Variants in EML6 observed in about 807,000 individuals in gnomAD.
The protein encoded by EML6 is echinoderm microtubule-associated protein-like 6.
Under a neutral mutation model 240.1 loss-of-function variants are expected in EML6, and 154 were observed. The ratio of observed to expected loss-of-function variants is 0.64; its 90% CI spans 0.56 to 0.73. EML6 has a LOEUF of 0.73. EML6 is among the 30% of genes least tolerant of loss of function. EML6 has a pLI of 0.00. For synonymous variants in EML6, 1,148 were observed against 899.0 expected (o/e 1.28, Z -4.95); for missense variants, 2,964 against 2,474.6 (o/e 1.20, Z -4.20).
intron 30 of EML6, among the ~76,000 whole-genome samples, chr2:54,951,388 C>G (rs951410016): frequency 3.9e-5 from 6 of 151,958 alleles, no homozygotes; most frequent in Admixed American, 6.6e-5. Flanking sequence ...CAAAAATTAG[C>G]CAGGCATGGT....
chr2:54,810,074 G>A (rs1264996725), intron 2 of EML6, among the ~76,000 whole-genome samples: 1 of 152,234 alleles, frequency 6.6e-6, no homozygotes, highest in Non-Finnish European at 1.5e-5. Flanking sequence ...TCAAGCCAGA[G>A]AGGTGATGTC....
rs1399074363 is a variant in EML6 at position 54,844,253 on chromosome 2, G to T, written c.1049+5G>T. 1 of 1,550,228 alleles carries T rather than the reference G, an allele frequency of 6.5e-7. No individual in the cohort carries two copies. The highest frequency in any genetic ancestry group is 2.0e-5 in the Admixed American group (1 of 50,998). Reference sequence around the variant, plus strand: ...CAGCGATGACCGCTCTGTCAGGTGAGGCCCTACCGCCGTCACCTCTCTGAC... The same window carrying T: ...CAGCGATGACCGCTCTGTCAGGTGATGCCCTACCGCCGTCACCTCTCTGAC... On this transcript the variant is annotated splice_donor_5th_base_variant and intron_variant, in intron 8 of 41. Transcript: ENST00000356458.
chr2:54,915,123 C>G (rs1331868067), intron 25 of EML6, among the ~76,000 whole-genome samples: 3 of 152,140 alleles, frequency 2.0e-5, no homozygotes, highest in African/African-American at 7.2e-5. Flanking sequence ...TTTATTTAAC[C>G]CTTTTGCATT....
At chr2:54,948,583 C>G (rs569885619) in intron 28 of EML6, among the ~76,000 whole-genome samples, 1 of 152,308 alleles carries the variant, frequency 6.6e-6, no homozygotes, top group Non-Finnish European at 1.5e-5. Context: ...TGTTTCAAGC[C>G]CACATGTTCT....
At position 54,739,177 on chromosome 2, in the gene EML6, G is replaced by A. The variant is rs546041449; in HGVS notation, c.197+13919G>A. 6.6e-5 allele frequency among the ~76,000 whole-genome samples: 10 copies of A among 152,154 alleles called. No individual in the cohort carries two copies. In the South Asian group the frequency reaches 1.9e-3, roughly 28 times the overall value. ...GTTATAAAAATAGTTTTAATATGTA[G>A]GTATATGTTATATGTGCTTCTTTAT... On this transcript the variant is annotated intron_variant, in intron 2 of 41. Coordinates refer to ENST00000356458, the MANE Select transcript of EML6 (RefSeq NM_001039753.4).
At chr2:54,925,941 G>A (rs1469580341) in intron 26 of EML6, among the ~76,000 whole-genome samples, 2 of 152,144 alleles carry the variant, frequency 1.3e-5, no homozygotes, top group African/African-American at 4.8e-5. Context: ...CTCAGAATGT[G>A]AAAAGCTCTG....
At chr2:54,848,324 C>G (rs1669880564) in intron 9 of EML6, among the ~76,000 whole-genome samples, 1 of 152,110 alleles carries the variant, frequency 6.6e-6, no homozygotes, top group Non-Finnish European at 1.5e-5. Context: ...GTAAATATTT[C>G]CCGCTTTGCA....
In EML6 at chr2:54,903,422, A is replaced by C. The variant is rs1057398575; in HGVS notation, c.3329A>C (p.Tyr1110Ser). The change falls in exon 24 of 42, where the codon TAC (tyrosine) becomes TCC (serine). Residue 1110 changes from tyrosine (Y) to serine (S), a missense_variant. Transcript: ENST00000356458. ...VASHDNFVDI[Y>S]NVLTSKRVGI... Reference sequence around the variant, plus strand: ...TCCCATGATAACTTTGTGGATATTTACAACGTACTTACAAGCAAAAGGGTT... The same window carrying C: ...TCCCATGATAACTTTGTGGATATTTCCAACGTACTTACAAGCAAAAGGGTT... 19 of 1,551,728 alleles carry C rather than the reference A, an allele frequency of 1.2e-5. No individual in the cohort carries two copies. Among genetic ancestry groups the C allele is most frequent in the Non-Finnish European group, 1.6e-5 (18 of 1,146,964 alleles).
intron 17 of EML6, among the ~76,000 whole-genome samples, chr2:54,884,825 G>C (rs1672034108): frequency 6.6e-6 from 1 of 152,062 alleles, no homozygotes; most frequent in African/African-American, 2.4e-5. Flanking sequence ...GTTTTCTCTA[G>C]TCTCTCTAAA....
At position 54,959,985 on chromosome 2, in the gene EML6, A is replaced by G. The variant is rs577279205; in HGVS notation, c.4854-235A>G. Among the ~76,000 whole-genome samples, 20 of 152,320 alleles carry G rather than the reference A, an allele frequency of 1.3e-4. No individual in the cohort carries two copies. In the East Asian group the frequency reaches 3.5e-3, roughly 26 times the overall value. On this transcript the variant is annotated intron_variant, in intron 34 of 41. Coordinates refer to ENST00000356458, the MANE Select transcript of EML6 (RefSeq NM_001039753.4). ...TCCAAATTACGTTTTCTTTCCTCCC[A>G]AGATAGTAGCATTTGAAGGCATTTT... is the stretch of plus-strand genomic sequence containing the variant.
chr2:54,966,967 C>A, intron 38 of EML6, 33 bp from the exon 39 acceptor site: 2 of 1,408,000 alleles, frequency 1.4e-6, no homozygotes, highest in Non-Finnish European at 9.8e-7. Context: ...TGAGAAAGAA[C>A]GTTGATGAAC....
At chr2:54,938,476 C>T (rs55777421) in intron 28 of EML6, among the ~76,000 whole-genome samples, 9,297 of 152,220 alleles carry the variant, frequency 0.061, 384 homozygotes, top group South Asian at 0.13. Context: ...TTTTTCCAAG[C>T]ACAAGAGGCT....
chr2:54,725,347 C>A lies in EML6; in HGVS notation c.197+89C>A. Reference sequence around the variant, plus strand: ...GTTGACCTGGGGTCGGATCCGGGAGCCCCGTGGAATAGAGGATTCTCTCTG... The same window carrying A: ...GTTGACCTGGGGTCGGATCCGGGAGACCCGTGGAATAGAGGATTCTCTCTG... On this transcript the variant is annotated intron_variant, in intron 2 of 41. Transcript: ENST00000356458. This position sits in a 1 kb window ranked among gnomAD's most constrained non-coding sequence, Gnocchi z 4.3. The A allele has an allele frequency of 1.0e-6, 1 of 1,001,422 alleles. No homozygotes were observed. The highest frequency in any genetic ancestry group is 1.4e-6 in the Non-Finnish European group (1 of 723,112). 62.0% of individuals were successfully genotyped at this position (1,001,422 alleles called of 1,614,324 possible).
chr2:54,967,544 A>G (rs1193079145), intron 39 of EML6, among the ~76,000 whole-genome samples: 2 of 152,168 alleles, frequency 1.3e-5, no homozygotes, highest in Non-Finnish European at 2.9e-5. Flanking sequence ...TCTCCCCAAC[A>G]CACACATATT....
rs1342550543 is a variant in EML6 at position 54,928,525 on chromosome 2, CA to C, written c.3877+12del. On this transcript the variant is annotated intron_variant, in intron 27 of 41. Transcript: ENST00000356458. ...TGGAAGAGGATGGAGGTGAGCCCCC[CA>C]CCTGCCACATGCCTCCTGCGCCGAA... 6.5e-7 allele frequency: 1 copy of C among 1,544,368 alleles called. No homozygotes were observed.
chr2:54,882,448 C>G (rs1447326331), intron 17 of EML6: 1 of 151,942 alleles, frequency 6.6e-6, no homozygotes, highest in Non-Finnish European at 1.5e-5. Flanking sequence ...TTTATTTGTG[C>G]TTGTGTTACT....
intron 8 of EML6, among the ~76,000 whole-genome samples, chr2:54,844,543 G>A (rs1217206114): frequency 6.6e-6 from 1 of 152,234 alleles, no homozygotes; most frequent in Admixed American, 6.5e-5. Flanking sequence ...ACTCATCTAT[G>A]ATGAAACCAT....
intron 2 of EML6, among the ~76,000 whole-genome samples, chr2:54,744,905 TACACAC>T (rs56324677): frequency 0.029 from 3,083 of 107,220 alleles, 100 homozygotes; most frequent in African/African-American, 0.048. Context: ...CACACACACG[TACACAC>T]ACACACACAC....
intron 32 of EML6, 98 bp from the exon 33 acceptor site, chr2:54,957,692 G>C: frequency 2.9e-6 from 3 of 1,044,816 alleles, no homozygotes; most frequent in South Asian, 2.8e-5. Flanking sequence ...CTGAGGCATG[G>C]CTTACGCCTG....
Sources: allele counts gnomAD v4.1 joint callset (sites outside exome capture counted in the v4.1 genomes callset), GRCh38; gene constraint gnomAD v4.1.1; non-coding constraint Gnocchi (gnomAD v3.1); transcripts MANE v1.5; gene names NCBI Gene and HGNC (gene_info 2026-07-23, HGNC 2026-07-21).